HECW1: variants seen among roughly 807,000 people sequenced by gnomAD.
HECW1 encodes HECT, C2 and WW domain containing E3 ubiquitin protein ligase 1.
HECW1 carries 61 observed loss-of-function variants against 182.3 expected under a neutral mutation model. The ratio of observed to expected loss-of-function variants is 0.33; its 90% CI spans 0.27 to 0.41. The LOEUF (loss-of-function observed/expected upper bound fraction) is 0.41. Among genes scored for constraint, HECW1 ranks in the 10% least tolerant of loss-of-function variants. The pLI, the probability that HECW1 is intolerant of heterozygous loss-of-function variation, is 1.00. For missense variants in HECW1, 1,739 were observed against 2,108.9 expected (o/e 0.82, Z 3.44); for synonymous variants, 859 against 832.6 (o/e 1.03, Z -0.55).
chr7:43,379,826 T>G (rs2074473620), intron 6 of HECW1, among the ~76,000 whole-genome samples: 1 of 152,180 alleles, frequency 6.6e-6, no homozygotes, highest in African/African-American at 2.4e-5. Context: ...CTTTATTTTC[T>G]CCAATCACTA....
intron 3 of HECW1, 103 bp from the exon 4 acceptor site, chr7:43,311,660 C>T (rs1275284762): frequency 1.9e-6 from 2 of 1,050,182 alleles, no homozygotes; most frequent in African/African-American, 1.6e-5. Flanking sequence ...GGGCAGCTCA[C>T]TCACAGCGCG....
At chr7:43,181,933 G>A (rs1341651701) in intron 2 of HECW1, among the ~76,000 whole-genome samples, 2 of 149,496 alleles carry the variant, frequency 1.3e-5, no homozygotes, top group Non-Finnish European at 2.9e-5. Context: ...GACTACAGGT[G>A]CCCACCACGC....
At chr7:43,369,327 A>G (rs1356535126) in intron 6 of HECW1, among the ~76,000 whole-genome samples, 12 of 152,122 alleles carry the variant, frequency 7.9e-5, no homozygotes, top group Admixed American at 7.9e-4. Flanking sequence ...GTGTGGTGGC[A>G]CATGCCTGTA....
chr7:43,252,251 C>T (rs1800117054), intron 3 of HECW1, among the ~76,000 whole-genome samples: 1 of 152,184 alleles, frequency 6.6e-6, no homozygotes. Context: ...CACCTCTGAG[C>T]ATCCTTCCCA....
chr7:43,559,414 G>A (rs1256073205), intron 29 of HECW1, among the ~76,000 whole-genome samples: 4 of 152,052 alleles, frequency 2.6e-5, no homozygotes, highest in African/African-American at 7.2e-5. Context: ...AGTATGACAC[G>A]GTTCCCCAAA....
At chr7:43,284,107 C>T (rs533438833) in intron 3 of HECW1, among the ~76,000 whole-genome samples, 1 of 152,212 alleles carries the variant, frequency 6.6e-6, no homozygotes, top group African/African-American at 2.4e-5. Context: ...AAAGCAGGAC[C>T]GTGGGGCGGG....
At chr7:43,478,135 G>GGCCA (rs2078287638) in intron 16 of HECW1, among the ~76,000 whole-genome samples, 1 of 152,162 alleles carries the variant, frequency 6.6e-6, no homozygotes. Flanking sequence ...GAGAGTGTTC[G>GGCCA]GCCAGGCTTG....
chr7:43,405,851 A>AT (rs1036544707), intron 7 of HECW1, among the ~76,000 whole-genome samples: 3 of 152,184 alleles, frequency 2.0e-5, no homozygotes, highest in Non-Finnish European at 2.9e-5. Context: ...GTCTACACAC[A>AT]TTCCTGCAGA....
intron 2 of HECW1, among the ~76,000 whole-genome samples, chr7:43,228,018 C>T (rs763148823): frequency 6.6e-6 from 1 of 152,124 alleles, no homozygotes; most frequent in Non-Finnish European, 1.5e-5. Context: ...TAATGTTTAC[C>T]TCTATCTGGC....
chr7:43,258,738 A>G (rs1231849781), intron 3 of HECW1: 3 of 152,222 alleles, frequency 2.0e-5, no homozygotes, highest in Admixed American at 6.6e-5. Flanking sequence ...CTGTGCTTAT[A>G]GAGTTGTTGT....
chr7:43,413,770 T>G (rs1399262277), intron 8 of HECW1, among the ~76,000 whole-genome samples: 1 of 134,966 alleles, frequency 7.4e-6, no homozygotes, highest in Non-Finnish European at 1.6e-5. Context: ...GTTGTAGGTA[T>G]GCGGTGTTAT....
intron 11 of HECW1, among the ~76,000 whole-genome samples, chr7:43,449,630 C>T (rs1051373459): frequency 3.9e-5 from 6 of 152,240 alleles, no homozygotes; most frequent in Non-Finnish European, 7.3e-5. Flanking sequence ...CATTTGACCA[C>T]CATTTTTCAG....
chr7:43,540,726 A>C (rs2081334635), intron 24 of HECW1, among the ~76,000 whole-genome samples: 1 of 152,218 alleles, frequency 6.6e-6, no homozygotes. Flanking sequence ...TCCACCTGCC[A>C]GCATGGACCT....
chr7:43,490,796 C>T (rs373082546), intron 17 of HECW1, among the ~76,000 whole-genome samples: 3 of 151,962 alleles, frequency 2.0e-5, no homozygotes. Flanking sequence ...CTTGCTGTGT[C>T]GCCCAGGCTG....
chr7:43,229,441 A>G (rs993360139), intron 2 of HECW1, among the ~76,000 whole-genome samples: 3 of 151,826 alleles, frequency 2.0e-5, no homozygotes, highest in Non-Finnish European at 4.4e-5. Context: ...TCATGAACAC[A>G]TAAGAAGGGA....
At chr7:43,187,211 C>A (rs556490311) in intron 2 of HECW1, among the ~76,000 whole-genome samples, 1 of 152,296 alleles carries the variant, frequency 6.6e-6, no homozygotes, top group African/African-American at 2.4e-5. Flanking sequence ...TCTTCCAGAG[C>A]AAATGATCAC....
At chr7:43,205,101 G>C (rs1001244384) in intron 2 of HECW1, among the ~76,000 whole-genome samples, 9 of 148,952 alleles carry the variant, frequency 6.0e-5, no homozygotes, top group African/African-American at 2.2e-4. Context: ...TTTTTTTTTT[G>C]GAAATGGAGT....
At chr7:43,268,199 G>A (rs570925761) in intron 3 of HECW1, among the ~76,000 whole-genome samples, 158 of 152,268 alleles carry the variant, frequency 1.0e-3, no homozygotes, top group Middle Eastern at 6.8e-3. Context: ...CTTTCTCCTC[G>A]GGGAAACAGA....
chr7:43,258,450 GT>G (rs1439182255), intron 3 of HECW1: 1 of 152,148 alleles, frequency 6.6e-6, no homozygotes, highest in African/African-American at 2.4e-5. Flanking sequence ...CAAGCCCCAT[GT>G]TTTTCTAGTG....
Sources: gnomAD v4.1 joint callset for allele counts (sites outside exome capture counted in the v4.1 genomes callset) on GRCh38, gnomAD v4.1.1 for gene constraint, MANE v1.5 for transcripts, NCBI Gene and HGNC (gene_info 2026-07-23, HGNC 2026-07-21) for gene names.